The following USP6NL variants were observed in gnomAD, a reference collection of about 807,000 sequenced individuals.
USP6NL encodes USP6 N-terminal like.
Under a neutral mutation model 61.9 loss-of-function variants are expected in USP6NL, and 26 were observed. The ratio of observed to expected loss-of-function variants is 0.42; its 90% CI spans 0.31 to 0.58. The LOEUF is 0.58. Among genes scored for constraint, USP6NL ranks in the 20% least tolerant of loss-of-function variants. USP6NL has a pLI of 0.16. For synonymous variants in USP6NL, 432 were observed against 390.1 expected (o/e 1.11, Z -1.27); for missense variants, 1,114 against 1,034.3 (o/e 1.08, Z -1.06).
chr10:11,479,329 G>A (rs1478235220), intron 14 of USP6NL, among the ~76,000 whole-genome samples: 3 of 152,132 alleles, frequency 2.0e-5, no homozygotes, highest in Non-Finnish European at 2.9e-5. Flanking sequence ...GATGAACAGG[G>A]AAGTTCACAG....
At position 11,518,921 on chromosome 10, in the gene USP6NL, G is replaced by A. The variant is rs1373543825; in HGVS notation, c.156-347C>T. 3.3e-5 allele frequency among the ~76,000 whole-genome samples: 5 copies of A among 152,168 alleles called. No individual in the cohort carries two copies. The highest frequency in any genetic ancestry group is 7.2e-5 in the African/African-American group (3 of 41,428). ...GTAGCTAGAAGCCACCATATTGAAC[G>A]GTACAGATATAGAACATTTCCATCA... On this transcript the variant is annotated intron_variant, in intron 4 of 14. Transcript: ENST00000609104. The surrounding 1 kb of genome is among the most constrained non-coding windows in gnomAD (Gnocchi z 5.3).
At position 11,561,286 on chromosome 10, in the gene USP6NL, C is replaced by T. The variant is rs1454943194; in HGVS notation, c.5-33719G>A. Among the ~76,000 whole-genome samples the T allele has an allele frequency of 6.6e-6, 1 of 152,168 alleles. No individual in the cohort carries two copies. The highest frequency in any genetic ancestry group is 1.5e-5 in the Non-Finnish European group (1 of 68,026). On this transcript the variant is annotated intron_variant, in intron 2 of 14. Transcript: ENST00000609104. The surrounding 1 kb of genome is among the most constrained non-coding windows in gnomAD (Gnocchi z 4.1). ...ACAGAAATGCATTAAGAAAAGTGAA[C>T]TCTCTTCCTCTACACCCCTTCCCAA... is the stretch of plus-strand genomic sequence containing the variant.
intron 4 of USP6NL, among the ~76,000 whole-genome samples, chr10:11,524,703 A>G (rs1320739827): frequency 1.3e-5 from 2 of 152,228 alleles, no homozygotes; most frequent in Admixed American, 1.3e-4. Flanking sequence ...TGAAATTGGA[A>G]AAGAGCACAG....
intron 2 of USP6NL, among the ~76,000 whole-genome samples, chr10:11,555,219 C>T (rs183366760): frequency 0.034 from 4,930 of 146,700 alleles, 126 homozygotes; most frequent in Middle Eastern, 0.049. Flanking sequence ...AGTTTGACAC[C>T]GGCCTGGCCA....
chr10:11,555,433 A>AAAAAAAAAAAT (rs1275798295), intron 2 of USP6NL, among the ~76,000 whole-genome samples: 2 of 49,030 alleles, frequency 4.1e-5, no homozygotes, highest in East Asian at 9.0e-4. Context: ...AAAAAAAAAA[A>AAAAAAAAAAAT]ATATATATAT....
chr10:11,492,050 T>C (rs1833728346), intron 8 of USP6NL, among the ~76,000 whole-genome samples: 1 of 152,216 alleles, frequency 6.6e-6, no homozygotes, highest in Non-Finnish European at 1.5e-5. Flanking sequence ...TTAATAACAG[T>C]CAGCTTTATA....
At chr10:11,524,777 C>A (rs538813042) in intron 4 of USP6NL, among the ~76,000 whole-genome samples, 59 of 152,248 alleles carry the variant, frequency 3.9e-4, no homozygotes, top group Non-Finnish European at 7.5e-4. Context: ...GAATAGAAGT[C>A]TCTAGCCTGT....
chr10:11,556,520 G>T (rs1379084126), intron 2 of USP6NL, among the ~76,000 whole-genome samples: 1 of 152,040 alleles, frequency 6.6e-6, no homozygotes, highest in Non-Finnish European at 1.5e-5. Flanking sequence ...ATGCTATTTA[G>T]AAAAGAGAGA....
chr10:11,484,326 A>C (rs1275023131), intron 13 of USP6NL, among the ~76,000 whole-genome samples: 2 of 152,216 alleles, frequency 1.3e-5, no homozygotes, highest in Non-Finnish European at 2.9e-5. Flanking sequence ...CTTTATTTTA[A>C]AGTAAGGCAT....
Position 11,489,085 on chromosome 10 carries a change from G to A in USP6NL, c.664+17C>T. 2 of 1,612,790 alleles carry A rather than the reference G, an allele frequency of 1.2e-6. No homozygotes were observed. Among genetic ancestry groups the A allele is most frequent in the Non-Finnish European group, 1.7e-6 (2 of 1,179,300 alleles). ...TCCCTACCTTGATTGTTTAGATAAA[G>A]CACAGGGTTTTCTTACCATGCATGG... On this transcript the variant is annotated intron_variant, in intron 10 of 14. Transcript: ENST00000609104. This position sits in a 1 kb window ranked among gnomAD's most constrained non-coding sequence, Gnocchi z 5.7.
intron 2 of USP6NL, among the ~76,000 whole-genome samples, chr10:11,569,727 G>A (rs1837291907): frequency 6.6e-6 from 1 of 152,242 alleles, no homozygotes; most frequent in Non-Finnish European, 1.5e-5. Context: ...GGTGCGTGGA[G>A]AGATTCAGTG....
At chr10:11,533,780 C>T (rs1375265108) in intron 2 of USP6NL, among the ~76,000 whole-genome samples, 1 of 152,178 alleles carries the variant, frequency 6.6e-6, no homozygotes, top group East Asian at 1.9e-4. Flanking sequence ...TGTGCTGTTA[C>T]AGCAGCATGA....
chr10:11,495,832 C>A lies in USP6NL; in HGVS notation c.385-2604G>T, dbSNP rs1354650358. ...CTTCTTCAAATGAACAGCAAAACTT[C>A]GTTTTCTGCTTTTGTTTAAAAGTGG... is the stretch of plus-strand genomic sequence containing the variant. On this transcript the variant is annotated intron_variant, in intron 7 of 14. Coordinates refer to ENST00000609104, the MANE Select transcript of USP6NL (RefSeq NM_014688.5). This position sits in a 1 kb window ranked among gnomAD's most constrained non-coding sequence, Gnocchi z 4.6. Among the ~76,000 whole-genome samples, 1 of 152,208 alleles carries A rather than the reference C, an allele frequency of 6.6e-6. No individual in the cohort carries two copies. Among genetic ancestry groups the A allele is most frequent in the African/African-American group, 2.4e-5 (1 of 41,452 alleles).
In USP6NL at chr10:11,463,753, A is replaced by G. The variant is rs748369251; in HGVS notation, c.1175T>C (p.Val392Ala). 6.3e-7 allele frequency: 1 copy of G among 1,585,688 alleles called. No homozygotes were observed. Among genetic ancestry groups the G allele is most frequent in the South Asian group, 1.1e-5 (1 of 87,314 alleles). ...GCTGGCCAGCGGGCTCGGCCGGCCC[A>G]CGCTCCTCTGTCCGTTGCTCAAGTG... ...VHHLSNGQRS[V>A]GRPSPLASGR... The change falls in exon 15 of 15, where the codon GTG becomes GCG. Residue 392 changes from valine (V) to alanine (A), a missense_variant. By Grantham distance (64) the Val-to-Ala change is moderately conservative. Transcript: ENST00000609104. This position sits in a 1 kb window ranked among gnomAD's most constrained non-coding sequence, Gnocchi z 6.3.
intron 2 of USP6NL, among the ~76,000 whole-genome samples, chr10:11,529,624 T>A (rs1566161193): frequency 6.6e-6 from 1 of 152,204 alleles, no homozygotes; most frequent in African/African-American, 2.4e-5. Context: ...TTCAATAAAA[T>A]AAAAATACAG....
intron 10 of USP6NL, among the ~76,000 whole-genome samples, 169 bp from the exon 11 acceptor site, chr10:11,486,080 G>A (rs1833456619): frequency 6.6e-6 from 1 of 150,872 alleles, no homozygotes; most frequent in African/African-American, 2.4e-5. Flanking sequence ...TAAGCTTTGG[G>A]TAATGAAACT....
chr10:11,505,015 G>A (rs534330854), intron 6 of USP6NL, among the ~76,000 whole-genome samples: 2 of 152,200 alleles, frequency 1.3e-5, no homozygotes, highest in Non-Finnish European at 2.9e-5. Flanking sequence ...AAAGGGTTAG[G>A]GACAAAGTTG....
At position 11,518,598 on chromosome 10, in the gene USP6NL, A is replaced by C. The variant is rs765418051; in HGVS notation, c.156-24T>G. The stretch of plus-strand genomic sequence containing the variant: ...CACTGCAGAGGAAAAACAGTATTAT[A>C]TGAAATTGTTGAAATCAAAACAAAC... On this transcript the variant is annotated intron_variant, in intron 4 of 14. Transcript: ENST00000609104. The surrounding 1 kb of genome is among the most constrained non-coding windows in gnomAD (Gnocchi z 5.3). 2.5e-6 allele frequency: 4 copies of C among 1,598,418 alleles called. No individual in the cohort carries two copies. The highest frequency in any genetic ancestry group is 3.5e-5 in the Admixed American group (2 of 56,384).
Position 11,463,459 on chromosome 10 carries a change from G to C in USP6NL, c.1469C>G (p.Pro490Arg). ...TCTCTCTGTAGCTGAGACGTCTGAC[G>C]GTTTATTCCATTTGGGCACAAACTC... is the stretch of plus-strand genomic sequence containing the variant. ...RKEFVPKWNK[P>R]SDVSATERTA... The change falls in exon 15 of 15, where the codon CCG (proline) becomes CGG (arginine). Residue 490 changes from proline (P) to arginine (R), a missense_variant. By Grantham distance (103) the Pro-to-Arg change is moderately radical. Coordinates refer to ENST00000609104, the MANE Select transcript of USP6NL (RefSeq NM_014688.5). The surrounding 1 kb of genome is among the most constrained non-coding windows in gnomAD (Gnocchi z 6.3). 1 of 1,614,066 alleles carries C rather than the reference G, an allele frequency of 6.2e-7. No homozygotes were observed. Among genetic ancestry groups the C allele is most frequent in the Non-Finnish European group, 8.5e-7 (1 of 1,179,906 alleles).
Sources: gnomAD v4.1 joint callset for allele counts (sites outside exome capture counted in the v4.1 genomes callset) on GRCh38, gnomAD v4.1.1 for gene constraint, Gnocchi (gnomAD v3.1) non-coding constraint, MANE v1.5 for transcripts, NCBI Gene and HGNC (gene_info 2026-07-23, HGNC 2026-07-21) for gene names.